Variants in SREBF2 observed in about 807,000 individuals in gnomAD.
SREBF2 encodes the protein sterol regulatory element-binding protein 2.
Under a neutral mutation model 113.1 loss-of-function variants are expected in SREBF2, and 55 were observed. The observed-to-expected ratio is 0.49, with a 90% CI of 0.39 to 0.61. The LOEUF (loss-of-function observed/expected upper bound fraction) is 0.61, where lower values mean the gene tolerates loss of function less well. SREBF2 is among the 20% of genes least tolerant of loss of function. The probability of loss-of-function intolerance (pLI) is 0.00; values close to 1 mark genes in which losing one functional copy is unlikely to be tolerated. For missense variants in SREBF2, 1,349 were observed against 1,487.4 expected (o/e 0.91, Z 1.53); for synonymous variants, 593 against 605.7 (o/e 0.98, Z 0.31).
intron 11 of SREBF2, among the ~76,000 whole-genome samples, chr22:41,888,254 C>T (rs1041904860): frequency 5.9e-5 from 9 of 152,166 alleles, no homozygotes; most frequent in Admixed American, 1.3e-4. Flanking sequence ...GTCTGCTAGA[C>T]GCTTTATTTT....
intron 2 of SREBF2, among the ~76,000 whole-genome samples, chr22:41,867,668 A>C (rs1439147588): frequency 6.6e-6 from 1 of 152,222 alleles, no homozygotes; most frequent in African/African-American, 2.4e-5. Context: ...TTAGCCGGGC[A>C]TGGTGGCGGG....
At chr22:41,868,017 G>T (rs2077102421) in intron 2 of SREBF2, among the ~76,000 whole-genome samples, 2 of 152,230 alleles carry the variant, frequency 1.3e-5, no homozygotes, top group South Asian at 4.1e-4. Context: ...CAAGTAGCAA[G>T]CCTCATGCTG....
In SREBF2 at chr22:41,833,695, C is replaced by G. The variant is rs1026835026; in HGVS notation, c.88+337C>G. The G allele has an allele frequency of 3.1e-4, 69 of 221,076 alleles. No homozygotes were observed. The highest frequency in any genetic ancestry group is 5.6e-4 in the Non-Finnish European group (63 of 112,526). The allele number at this position is 221,076 out of a possible 1,614,324, so 13.7% of individuals were successfully genotyped here. ...GTGGCCGCCGCCTCCCTCGCGCGCC[C>G]ACACGCGGTTTCCGTGGTCCGCTCT... On this transcript the variant is annotated intron_variant, in intron 1 of 18. Coordinates refer to ENST00000361204, the MANE Select transcript of SREBF2 (RefSeq NM_004599.4). This position sits in a 1 kb window ranked among gnomAD's most constrained non-coding sequence, Gnocchi z 4.1.
chr22:41,864,098 CG>C (rs2077048649), intron 1 of SREBF2, among the ~76,000 whole-genome samples: 1 of 149,832 alleles, frequency 6.7e-6, no homozygotes, highest in Non-Finnish European at 1.5e-5. Flanking sequence ...AGGCTGGTCT[CG>C]AACTCCTGAC....
intron 1 of SREBF2, among the ~76,000 whole-genome samples, chr22:41,858,891 C>T (rs556532456): frequency 2.5e-4 from 38 of 152,104 alleles, no homozygotes; most frequent in Non-Finnish European, 4.9e-4. Context: ...CACCTGTAAT[C>T]CCAGCACTTT....
chr22:41,875,575 G>A lies in SREBF2; in HGVS notation c.1237G>A (p.Val413Met), dbSNP rs776272132. The change falls in exon 7 of 19, where the codon GTG becomes ATG. Residue 413 changes from valine (V) to methionine (M), a missense_variant. Physicochemically the swap from Val to Met is conservative, Grantham distance 21. Transcript: ENST00000361204. ...AAAGGGCATCGACCTAGGCAGTCTGGTGGACAATGAGGTGGACCTGAAGAT... is the reference window on the plus strand; with the variant it reads ...AAAGGGCATCGACCTAGGCAGTCTGATGGACAATGAGGTGGACCTGAAGAT... ...LLKGIDLGSL[V>M]DNEVDLKIED... 3.7e-6 allele frequency: 6 copies of A among 1,614,224 alleles called. No homozygotes were observed. Among genetic ancestry groups the A allele is most frequent in the South Asian group, 1.1e-5 (1 of 91,090 alleles).
At chr22:41,903,463 GAGGGCTCTGAGGGCAATGGTGGCAAGTC>G (rs1161649832) in intron 17 of SREBF2, among the ~76,000 whole-genome samples, 1 of 152,254 alleles carries the variant, frequency 6.6e-6, no homozygotes, top group Non-Finnish European at 1.5e-5. Context: ...TGCTGGGTGG[GAGGGCTCTGAGGGCAATGGTGGCAAGTC>G]AGGGCTCCTG....
intron 16 of SREBF2, chr22:41,900,885 C>T (rs1556115252): frequency 7.7e-6 from 4 of 520,090 alleles, no homozygotes; most frequent in Non-Finnish European, 1.6e-5. Flanking sequence ...GGCACACAAA[C>T]AGAGCTGAAG....
chr22:41,837,344 G>T (rs1472465539), intron 1 of SREBF2, among the ~76,000 whole-genome samples: 1 of 151,426 alleles, frequency 6.6e-6, no homozygotes, highest in Non-Finnish European at 1.5e-5. Context: ...GATCACCTGA[G>T]GTCAGGAGTT....
In SREBF2 at chr22:41,867,253, T is replaced by C. The variant is rs748374316; in HGVS notation, c.511T>C (p.Tyr171His). Residue 171 changes from tyrosine to histidine, a missense_variant, in exon 2 of 19, where the codon TAC becomes CAC. By Grantham distance (83) the Tyr-to-His change is moderately conservative. Around this residue, in one of 2 missense-constraint regions of SREBF2, gnomAD observed 699 missense variants for 843.3 expected, o/e 0.83. Coordinates refer to ENST00000361204, the MANE Select transcript of SREBF2 (RefSeq NM_004599.4). ...GAGGATCATCCAGCAGCCTTTGATA[T>C]ACCAGAATGCAGCTACTAGCTTTCA... The part of the protein sequence containing the change: ...QTRIIQQPLI[Y>H]QNAATSFQVL... 3 of 1,614,246 alleles carry C rather than the reference T, an allele frequency of 1.9e-6. No individual in the cohort carries two copies. The highest frequency in any genetic ancestry group is 2.2e-5 in the South Asian group (2 of 91,084).
In SREBF2 at chr22:41,873,835, T is replaced by C; in HGVS notation, c.905T>C (p.Met302Thr). Residue 302 changes from methionine to threonine, a missense_variant, in exon 5 of 19, where the codon ATG becomes ACG. This residue lies in a region of SREBF2 where 699 missense variants were observed against 843.3 expected (regional missense o/e 0.83). Coordinates refer to ENST00000361204, the MANE Select transcript of SREBF2 (RefSeq NM_004599.4). ...AGCAGTGGGACCATTCTGACCACAA[T>C]GCCTGTAATGATGGGGCAAGAGAAA... is the stretch of plus-strand genomic sequence containing the variant. ...VGSSGTILTT[M>T]PVMMGQEKVP... is the part of the protein sequence containing the mutation. The C allele has an allele frequency of 6.2e-7, 1 of 1,612,344 alleles. No individual in the cohort carries two copies. Among genetic ancestry groups the C allele is most frequent in the Non-Finnish European group, 8.5e-7 (1 of 1,179,198 alleles).
chr22:41,838,972 T>G (rs2076803552), intron 1 of SREBF2, among the ~76,000 whole-genome samples: 1 of 152,136 alleles, frequency 6.6e-6, no homozygotes. Flanking sequence ...TGGCACTGAC[T>G]AGGTGTTCTG....
At chr22:41,864,832 G>C (rs2077060853) in intron 1 of SREBF2, among the ~76,000 whole-genome samples, 1 of 152,046 alleles carries the variant, frequency 6.6e-6, no homozygotes, top group Admixed American at 6.6e-5. Context: ...GCACACCTGT[G>C]GTCCCAGCTA....
At chr22:41,859,915 C>T (rs972303231) in intron 1 of SREBF2, among the ~76,000 whole-genome samples, 4 of 146,466 alleles carry the variant, frequency 2.7e-5, no homozygotes, top group African/African-American at 1.0e-4. Flanking sequence ...TCGCCATTCT[C>T]CTGCCTCAAC....
At chr22:41,878,847 C>A in intron 9 of SREBF2, 2 of 835,740 alleles carry the variant, frequency 2.4e-6, no homozygotes, top group Non-Finnish European at 3.5e-6. Flanking sequence ...GTCAGCCTTG[C>A]TGGGGCTATG....
chr22:41,900,599 A>G, intron 16 of SREBF2, 101 bp downstream of exon 16: 1 of 1,244,142 alleles, frequency 8.0e-7, no homozygotes, highest in Non-Finnish European at 1.1e-6. Context: ...GGGCCATCCG[A>G]AAGACAGAGA....
chr22:41,880,073 A>G (rs1277698277), intron 9 of SREBF2, among the ~76,000 whole-genome samples: 2 of 152,168 alleles, frequency 1.3e-5, no homozygotes, highest in African/African-American at 4.8e-5. Flanking sequence ...TGGCATGAGA[A>G]TCACCTAGAG....
chr22:41,877,522 G>A, intron 8 of SREBF2, 101 bp downstream of exon 8: 1 of 1,393,984 alleles, frequency 7.2e-7, no homozygotes, highest in Admixed American at 2.0e-5. Context: ...AGGTCCCAAA[G>A]GGCTTTTATA....
chr22:41,862,032 G>GTATT lies in SREBF2; in HGVS notation c.89-4797_89-4796insTTTA, dbSNP rs1249755707. 2.4e-3 allele frequency among the ~76,000 whole-genome samples: 367 copies of GTATT among 152,290 alleles called. 4 individuals are homozygous for GTATT. The highest frequency in any genetic ancestry group is 8.2e-3 in the African/African-American group (342 of 41,568). On this transcript the variant is annotated intron_variant, in intron 1 of 18. Coordinates refer to ENST00000361204, the MANE Select transcript of SREBF2 (RefSeq NM_004599.4). ...GTTTCCCAGCCCCTAATAGGGCTGGGTAACAAATACCTGTTAAAGGATTAT... is the reference window on the plus strand; with the variant it reads ...GTTTCCCAGCCCCTAATAGGGCTGGGTATTTAACAAATACCTGTTAAAGGATTAT...
Sources: allele counts gnomAD v4.1 joint callset (sites outside exome capture counted in the v4.1 genomes callset), GRCh38; gene constraint gnomAD v4.1.1; regional missense constraint gnomAD v4.1.1; non-coding constraint Gnocchi (gnomAD v3.1); transcripts MANE v1.5; gene names NCBI Gene and HGNC (gene_info 2026-07-23, HGNC 2026-07-21).